The following TEX261 variants were observed in gnomAD, a reference collection of about 807,000 sequenced individuals.
TEX261 encodes the protein testis expressed 261.
In TEX261, 13 loss-of-function variants were observed where a neutral mutation model predicts 25.1. The observed-to-expected ratio is 0.52, with a 90% CI of 0.34 to 0.82. TEX261 has a LOEUF of 0.82. Among genes scored for constraint, TEX261 ranks in the 40% least tolerant of loss-of-function variants. The pLI is 0.02. For synonymous variants in TEX261, 92 were observed against 97.8 expected (o/e 0.94, Z 0.35); for missense variants, 206 against 243.2 (o/e 0.85, Z 1.02).
chr2:70,988,819 AAC>A, intron 5 of TEX261, 94 bp downstream of exon 5: 1 of 1,530,342 alleles, frequency 6.5e-7, no homozygotes, highest in Non-Finnish European at 9.0e-7. Context: ...AGGTGTCTCC[AAC>A]ACAGGGCTAG....
At position 70,994,859 on chromosome 2, in the gene TEX261, C is replaced by T. The variant is rs1458642396; in HGVS notation, c.-102G>A. 8.2e-7 allele frequency: 1 copy of T among 1,218,182 alleles called. No individual in the cohort carries two copies. The highest frequency in any genetic ancestry group is 1.6e-5 in the African/African-American group (1 of 61,942). The allele number at this position is 1,218,182 out of a possible 1,614,324, so 75.5% of individuals were successfully genotyped here. On this transcript the variant is annotated 5_prime_UTR_variant, in exon 1 of 6. Coordinates refer to ENST00000272438, the MANE Select transcript of TEX261 (RefSeq NM_144582.3). ...CGCCGCCGCCGCCGCCGCGTCCCCG[C>T]CCCGCGGACGACAGGACGACGGTGC...
rs181783997 is a variant in TEX261, at chr2:70,989,317, C to T, written c.373-300G>A. On this transcript the variant is annotated intron_variant, in intron 4 of 5. Transcript: ENST00000272438. ...AGCCATGACTGACTGACCCACACCC[C>T]CCAAAGAAGTGACCTTGCTCTTCCC... 2.9e-5 allele frequency: 14 copies of T among 483,012 alleles called. No homozygotes were observed. In the East Asian group the frequency reaches 5.0e-4, roughly 17 times the overall value. 29.9% of individuals were successfully genotyped at this position (483,012 alleles called of 1,614,324 possible). A position where few individuals can be genotyped will look rare whatever the true frequency, so the allele number is the denominator to read the frequency against.
chr2:70,988,854 C>T, intron 5 of TEX261, 61 bp downstream of exon 5: 1 of 1,584,028 alleles, frequency 6.3e-7, no homozygotes, highest in Non-Finnish European at 8.7e-7. Flanking sequence ...TCAGTGGACC[C>T]CTGCCAACCC....
chr2:70,990,034 TAGA>T (rs1326781038), intron 3 of TEX261, among the ~76,000 whole-genome samples: 5 of 152,192 alleles, frequency 3.3e-5, no homozygotes, highest in Non-Finnish European at 7.4e-5. Context: ...TGAGTAAAAT[TAGA>T]AGAAGGCTCT....
chr2:70,994,838 GC>G lies in TEX261; in HGVS notation c.-82del, dbSNP rs1553426097. 3 of 1,237,888 alleles carry G rather than the reference GC, an allele frequency of 2.4e-6. No individual in the cohort carries two copies. The African/African-American group carries it at 5.3e-5, about 22-fold the overall frequency. 76.7% of individuals were successfully genotyped at this position (1,237,888 alleles called of 1,614,324 possible). Reference sequence around the variant, plus strand: ...CCGGCGACACACAGCCGCCACCGCCGCCGCCGCCGCCGCGTCCCCGCCCCGC... The same window carrying G: ...CCGGCGACACACAGCCGCCACCGCCGCGCCGCCGCCGCGTCCCCGCCCCGC... On this transcript the variant is annotated 5_prime_UTR_variant, in exon 1 of 6. Transcript: ENST00000272438.
intron 5 of TEX261, 93 bp downstream of exon 5, chr2:70,988,822 A>C (rs1670245624): frequency 6.5e-7 from 1 of 1,532,234 alleles, no homozygotes; most frequent in Non-Finnish European, 9.0e-7. Context: ...TGTCTCCAAC[A>C]CAGGGCTAGA....
At position 70,989,313 on chromosome 2, in the gene TEX261, A is replaced by C. The variant is rs1670256089; in HGVS notation, c.373-296T>G. On this transcript the variant is annotated intron_variant, in intron 4 of 5. Transcript: ENST00000272438. ...GCTAAGCCATGACTGACTGACCCAC[A>C]CCCCCCAAAGAAGTGACCTTGCTCT... 6.2e-6 allele frequency: 3 copies of C among 486,006 alleles called. No homozygotes were observed. The South Asian group carries it at 6.8e-5, about 11-fold the overall frequency. 30.1% of individuals were successfully genotyped at this position (486,006 alleles called of 1,614,324 possible).
chr2:70,987,375 A>T lies in TEX261; in HGVS notation c.*1225T>A, dbSNP rs1488115917. The T allele has an allele frequency of 1.3e-5, 2 of 152,592 alleles. No individual in the cohort carries two copies. The highest frequency in any genetic ancestry group is 2.1e-4 in the South Asian group (1 of 4,830). 9.5% of individuals were successfully genotyped at this position (152,592 alleles called of 1,614,324 possible). The stretch of plus-strand genomic sequence containing the variant: ...ATATAGAGGAAATATTTTCAAGCAC[A>T]GGGGTTTTTCCAGTGGCTTAAATGT... On this transcript the variant is annotated 3_prime_UTR_variant, in exon 6 of 6. Coordinates refer to ENST00000272438, the MANE Select transcript of TEX261 (RefSeq NM_144582.3).
chr2:70,994,635 G>A (rs1205720489), intron 1 of TEX261, 53 bp downstream of exon 1: 49 of 1,559,068 alleles, frequency 3.1e-5, no homozygotes, highest in Non-Finnish European at 4.0e-5. Context: ...GACCCCCAAC[G>A]AGCACCGATG....
intron 4 of TEX261, 87 bp downstream of exon 4, chr2:70,989,662 C>G (rs1260258129): frequency 1.1e-6 from 1 of 935,708 alleles, no homozygotes; most frequent in Non-Finnish European, 1.7e-6. Context: ...AGTTTCAAAT[C>G]ATAGCTAAGT....
At position 70,986,477 on chromosome 2, in the gene TEX261, G is replaced by A. The variant is rs1198063321; in HGVS notation, c.*2123C>T. 6.5e-6 allele frequency: 1 copy of A among 152,714 alleles called. No homozygotes were observed. Among genetic ancestry groups the A allele is most frequent in the African/African-American group, 2.4e-5 (1 of 41,460 alleles). 9.5% of individuals were successfully genotyped at this position (152,714 alleles called of 1,614,324 possible). ...CTGGCCACATGATAGAGAAGCAGTA[G>A]GAGGCTGTCACGATAATCCAGGTGA... On this transcript the variant is annotated 3_prime_UTR_variant, in exon 6 of 6. Transcript: ENST00000272438.
In TEX261 at chr2:70,994,647, CG is replaced by C; in HGVS notation, c.70+40del. The C allele has an allele frequency of 2.6e-6, 4 of 1,566,180 alleles. No individual in the cohort carries two copies. The Middle Eastern group carries it at 5.0e-4, about 197-fold the overall frequency. On this transcript the variant is annotated intron_variant, in intron 1 of 5. Transcript: ENST00000272438. ...TGCGACCCCCAACGAGCACCGATGC[CG>C]GGGCGGGAGCCCGCGCGGGCCGGGG...
chr2:70,989,610 T>C (rs1670263478), intron 4 of TEX261, 139 bp downstream of exon 4: 1 of 675,048 alleles, frequency 1.5e-6, no homozygotes, highest in Non-Finnish European at 2.6e-6. Context: ...TCAAACCATC[T>C]ATGTTTTGTT....
chr2:70,994,699 GTGA>G lies in TEX261; in HGVS notation c.56_58del (p.Ile19del). ...TCGTGCAGTCTCACCGACAGCCAGC[GTGA>G]TGAAGGCCACCTGGATGAAGAGCGA... On this transcript the variant is annotated inframe_deletion, in exon 1 of 6. Transcript: ENST00000272438. 6.2e-7 allele frequency: 1 copy of G among 1,604,468 alleles called. No individual in the cohort carries two copies. Among genetic ancestry groups the G allele is most frequent in the Non-Finnish European group, 8.5e-7 (1 of 1,176,362 alleles).
At chr2:70,988,775 T>C (rs1165873815) in intron 5 of TEX261, 60 bp from the exon 6 acceptor site, 13 of 1,516,804 alleles carry the variant, frequency 8.6e-6, no homozygotes, top group African/African-American at 6.9e-5. Context: ...TGTGTGCGCA[T>C]GTGTGTGAAC....
intron 2 of TEX261, 110 bp downstream of exon 2, chr2:70,993,586 G>A (rs1670345992): frequency 1.1e-6 from 1 of 901,670 alleles, no homozygotes; most frequent in Non-Finnish European, 1.8e-6. Flanking sequence ...TGTATGCTCA[G>A]GAAACAGCAG....
intron 2 of TEX261, 123 bp downstream of exon 2, chr2:70,993,571 AAG>A: frequency 2.5e-6 from 2 of 806,226 alleles, no homozygotes; most frequent in Admixed American, 3.7e-5. Flanking sequence ...GCAAGGAGGT[AAG>A]AGTGTATGCT....
Position 70,993,703 on chromosome 2 carries a change from A to G in TEX261, c.143T>C (p.Met48Thr). The G allele has an allele frequency of 1.2e-6, 2 of 1,613,658 alleles. No individual in the cohort carries two copies. Among genetic ancestry groups the G allele is most frequent in the Non-Finnish European group, 1.7e-6 (2 of 1,179,732 alleles). ...TVATSRIIKY[M>T]IWFSTAVLIG... The stretch of plus-strand genomic sequence containing the variant: ...GAGAAAGATGCCACTTACCCAGATC[A>G]TGTATTTTATGATCCTGCTGGTGGC... Residue 48 changes from methionine (M) to threonine (T), a missense_variant, in exon 2 of 6, where the codon ATG becomes ACG. Coordinates refer to ENST00000272438, the MANE Select transcript of TEX261 (RefSeq NM_144582.3).
In TEX261 at chr2:70,988,393, G is replaced by T; in HGVS notation, c.*207C>A. 1 of 556,926 alleles carries T rather than the reference G, an allele frequency of 1.8e-6. No homozygotes were observed. Among genetic ancestry groups the T allele is most frequent in the East Asian group, 3.0e-5 (1 of 32,904 alleles). 34.5% of individuals were successfully genotyped at this position (556,926 alleles called of 1,614,324 possible). ...TAAGCAGGCTCTGCCACCCTCCTTG[G>T]TGCCCTCTGAGGTTACAGCCTCTTG... On this transcript the variant is annotated 3_prime_UTR_variant, in exon 6 of 6. Transcript: ENST00000272438.
Sources: gnomAD v4.1 joint callset for allele counts (sites outside exome capture counted in the v4.1 genomes callset) on GRCh38, gnomAD v4.1.1 for gene constraint, MANE v1.5 for transcripts, NCBI Gene and HGNC (gene_info 2026-07-23, HGNC 2026-07-21) for gene names.